Variants in SHROOM3 observed in about 807,000 individuals in gnomAD.
SHROOM3 encodes the protein protein Shroom3.
In SHROOM3, 47 loss-of-function variants were observed where a neutral mutation model predicts 138.6. The ratio of observed to expected loss-of-function variants is 0.34; its 90% CI spans 0.27 to 0.43. The LOEUF is 0.43. SHROOM3 is among the 20% of genes least tolerant of loss of function. The pLI is 1.00. For missense variants in SHROOM3, 2,491 were observed against 2,596.5 expected (o/e 0.96, Z 0.88); for synonymous variants, 1,062 against 1,063.3 (o/e 1.00, Z 0.02).
intron 5 of SHROOM3, among the ~76,000 whole-genome samples, chr4:76,744,104 G>A (rs1411999340): frequency 6.6e-6 from 1 of 152,112 alleles, no homozygotes; most frequent in Non-Finnish European, 1.5e-5. Context: ...GGTTGATTAA[G>A]AAATAAAGCT....
chr4:76,652,789 G>A (rs570576341), intron 2 of SHROOM3, among the ~76,000 whole-genome samples: 2 of 152,110 alleles, frequency 1.3e-5, no homozygotes, highest in Non-Finnish European at 2.9e-5. Flanking sequence ...TGTGTGTGGT[G>A]TGTATAAGTG....
At chr4:76,775,577 GA>G (rs886278599) in intron 10 of SHROOM3, among the ~76,000 whole-genome samples, 1 of 151,572 alleles carries the variant, frequency 6.6e-6, no homozygotes, top group African/African-American at 2.4e-5. Flanking sequence ...TAATTATATG[GA>G]AAAGACACTT....
intron 6 of SHROOM3, among the ~76,000 whole-genome samples, chr4:76,753,212 G>C (rs1014422514): frequency 2.0e-5 from 3 of 152,234 alleles, no homozygotes; most frequent in African/African-American, 4.8e-5. Context: ...GGTTGCATCA[G>C]AGAGAGAGGT....
At chr4:76,767,959 T>C (rs1416792151) in intron 9 of SHROOM3, among the ~76,000 whole-genome samples, 3 of 152,220 alleles carry the variant, frequency 2.0e-5, no homozygotes, top group Admixed American at 2.0e-4. Flanking sequence ...ACGCCTGAAA[T>C]TTGAATGAGC....
At chr4:76,551,924 C>CAT (rs1733363646) in intron 1 of SHROOM3, among the ~76,000 whole-genome samples, 2 of 151,028 alleles carry the variant, frequency 1.3e-5, no homozygotes, top group Non-Finnish European at 2.9e-5. Context: ...TGCAGTGGTG[C>CAT]GATCTCGGCT....
chr4:76,518,526 A>T (rs5009566), intron 1 of SHROOM3, among the ~76,000 whole-genome samples: 1,082 of 50,774 alleles, frequency 0.021, 14 homozygotes, highest in African/African-American at 0.072. Flanking sequence ...CTTCCTTCCT[A>T]CCTTCCTTCC....
chr4:76,549,450 C>A (rs989731890), intron 1 of SHROOM3, among the ~76,000 whole-genome samples: 1 of 151,882 alleles, frequency 6.6e-6, no homozygotes, highest in African/African-American at 2.4e-5. Flanking sequence ...CTCACTGCAA[C>A]CTGTGCCTCC....
intron 2 of SHROOM3, among the ~76,000 whole-genome samples, chr4:76,637,952 T>G (rs1323145383): frequency 6.6e-6 from 1 of 152,070 alleles, no homozygotes; most frequent in Non-Finnish European, 1.5e-5. Context: ...GTGTGCTGAG[T>G]GGCATCTTGG....
At position 76,594,693 on chromosome 4, in the gene SHROOM3, T is replaced by C. The variant is rs559163591; in HGVS notation, c.323+38930T>C. 5.6e-4 allele frequency among the ~76,000 whole-genome samples: 85 copies of C among 152,298 alleles called. 3 individuals are homozygous for C. In the South Asian group the frequency reaches 0.017, roughly 30 times the overall value. On this transcript the variant is annotated intron_variant, in intron 2 of 10. Coordinates refer to ENST00000296043, the MANE Select transcript of SHROOM3 (RefSeq NM_020859.4). ...CCTGATGTCAGACTAACACCTGCTATGTGACAATTGGGGAGGGAACAGGGA... is the reference window on the plus strand; with the variant it reads ...CCTGATGTCAGACTAACACCTGCTACGTGACAATTGGGGAGGGAACAGGGA...
chr4:76,617,474 AT>A (rs1343754140), intron 2 of SHROOM3, among the ~76,000 whole-genome samples: 11 of 152,274 alleles, frequency 7.2e-5, no homozygotes, highest in African/African-American at 2.4e-4. Flanking sequence ...AGTGGGTGAC[AT>A]TATGAAAATA....
chr4:76,670,397 A>G (rs1718843520), intron 2 of SHROOM3, among the ~76,000 whole-genome samples: 1 of 152,198 alleles, frequency 6.6e-6, no homozygotes, highest in East Asian at 1.9e-4. Flanking sequence ...GAAAATCTAT[A>G]GAGACAAAAA....
At chr4:76,472,535 TATA>T (rs938469268) in intron 1 of SHROOM3, among the ~76,000 whole-genome samples, 2 of 152,210 alleles carry the variant, frequency 1.3e-5, no homozygotes, top group Non-Finnish European at 2.9e-5. Flanking sequence ...GTGGCAGTTC[TATA>T]ATAATAAAGT....
chr4:76,716,978 T>C (rs773796560), intron 3 of SHROOM3, among the ~76,000 whole-genome samples: 38 of 152,354 alleles, frequency 2.5e-4, no homozygotes, highest in Non-Finnish European at 5.3e-4. Flanking sequence ...TCCTTTTCTC[T>C]AAAGAACTTT....
In SHROOM3 at chr4:76,756,812, G is replaced by A; in HGVS notation, c.5073G>A (p.Arg1691=). The change falls in exon 8 of 11, where the codon AGG becomes AGA. Residue 1691 remains arginine (R), a synonymous_variant. Transcript: ENST00000296043. ...SLADILDPDS[R]LKTTMDLMEG... The stretch of plus-strand genomic sequence containing the variant: ...CAGACATTTTGGATCCAGACTCCAG[G>A]CTGAAGACAACAATGGACCTGATGG... 10 of 1,614,092 alleles carry A rather than the reference G, an allele frequency of 6.2e-6. No homozygotes were observed. The highest frequency in any genetic ancestry group is 8.5e-6 in the Non-Finnish European group (10 of 1,180,016).
chr4:76,597,280 A>C (rs1235382955), intron 2 of SHROOM3, among the ~76,000 whole-genome samples: 1 of 152,184 alleles, frequency 6.6e-6, no homozygotes, highest in African/African-American at 2.4e-5. Flanking sequence ...GTTTCCTATC[A>C]GTGGGAAATT....
chr4:76,730,973 T>C (rs771200366), intron 4 of SHROOM3, 38 bp downstream of exon 4: 2 of 1,613,108 alleles, frequency 1.2e-6, no homozygotes, highest in Non-Finnish European at 1.7e-6. Context: ...GTTTCTTTCT[T>C]TCTAATGTCA....
In SHROOM3 at chr4:76,738,816, G is replaced by T; in HGVS notation, c.643G>T (p.Asp215Tyr). ...CCATGCTTATCTAAGGCGGAGCCCT[G>T]ACCAGTGCAGCTCCCAGGGGAGCAT... ...YDHAYLRRSPDQCSSQGSMES... is the reference protein window; with the variant it reads ...YDHAYLRRSPYQCSSQGSMES... Residue 215 changes from aspartate to tyrosine, a missense_variant, in exon 5 of 11, where the codon GAC becomes TAC. Physicochemically the swap from Asp to Tyr is radical, Grantham distance 160 (BLOSUM62 -3). This residue lies in a region of SHROOM3 where 284 missense variants were observed against 322.8 expected (regional missense o/e 0.88). Coordinates refer to ENST00000296043, the MANE Select transcript of SHROOM3 (RefSeq NM_020859.4). 6.2e-7 allele frequency: 1 copy of T among 1,614,206 alleles called. No individual in the cohort carries two copies. The highest frequency in any genetic ancestry group is 1.1e-5 in the South Asian group (1 of 91,054).
At chr4:76,491,385 A>C (rs1423218407) in intron 1 of SHROOM3, among the ~76,000 whole-genome samples, 2 of 152,246 alleles carry the variant, frequency 1.3e-5, no homozygotes, top group East Asian at 3.8e-4. Context: ...GAAATGTGGC[A>C]GCTCTTTCTT....
At chr4:76,533,517 C>T (rs1239075529) in intron 1 of SHROOM3, among the ~76,000 whole-genome samples, 1 of 152,168 alleles carries the variant, frequency 6.6e-6, no homozygotes, top group Non-Finnish European at 1.5e-5. Context: ...TCCAGTAGCT[C>T]AGCATCTTGG....
Sources: allele counts gnomAD v4.1 joint callset (sites outside exome capture counted in the v4.1 genomes callset), GRCh38; gene constraint gnomAD v4.1.1; regional missense constraint gnomAD v4.1.1; transcripts MANE v1.5; gene names NCBI Gene and HGNC (gene_info 2026-07-23, HGNC 2026-07-21).